GUCY2C: variants seen among roughly 807,000 people sequenced by gnomAD.
GUCY2C encodes guanylate cyclase 2C.
Under a neutral mutation model 131.1 loss-of-function variants are expected in GUCY2C, and 118 were observed. That is an observed-to-expected ratio of 0.90 (90% confidence interval 0.78 to 1.05). The LOEUF is 1.05. Among genes scored for constraint, GUCY2C ranks in the 50% least tolerant of loss-of-function variants. The pLI, the probability that GUCY2C is intolerant of heterozygous loss-of-function variation, is 0.00. For missense variants in GUCY2C, 1,161 were observed against 1,304.4 expected (o/e 0.89, Z 1.69); for synonymous variants, 452 against 457.8 (o/e 0.99, Z 0.16).
intron 8 of GUCY2C, 54 bp from the exon 9 acceptor site, chr12:14,673,012 T>G: frequency 1.0e-6 from 1 of 995,138 alleles, no homozygotes; most frequent in Admixed American, 1.7e-5. Flanking sequence ...GCCTGACAGA[T>G]AAGTTGGATC....
chr12:14,639,943 A>G lies in GUCY2C; in HGVS notation c.2076T>C (p.Ile692=). The part of the protein sequence containing the change: ...TLSCRDRNEK[I]FRVENSNGMK... Reference sequence around the variant, plus strand: ...TTCCATTGGAATTTTCCACTCTGAAAATCTTCTCTGGTTGGGTGAGAAAAA... The same window carrying G: ...TTCCATTGGAATTTTCCACTCTGAAGATCTTCTCTGGTTGGGTGAGAAAAA... The change falls in exon 19 of 27, where the codon ATT becomes ATC. Residue 692 remains isoleucine (I), a synonymous_variant. Transcript: ENST00000261170. The G allele has an allele frequency of 6.3e-7, 1 of 1,598,788 alleles. No homozygotes were observed. Among genetic ancestry groups the G allele is most frequent in the Non-Finnish European group, 8.6e-7 (1 of 1,166,060 alleles).
intron 19 of GUCY2C, among the ~76,000 whole-genome samples, chr12:14,635,669 G>T (rs990170085): frequency 3.9e-5 from 6 of 151,968 alleles, no homozygotes; most frequent in Non-Finnish European, 7.4e-5. Context: ...ATAAAAAGTT[G>T]TTTTTATGAA....
chr12:14,625,612 C>T (rs529687711), intron 21 of GUCY2C, 145 bp downstream of exon 21: 4 of 750,594 alleles, frequency 5.3e-6, no homozygotes, highest in South Asian at 2.0e-5. Context: ...GGATTACAGG[C>T]GTGAGCCTCC....
chr12:14,684,570 T>G (rs1396393455), intron 3 of GUCY2C, among the ~76,000 whole-genome samples: 1 of 8,488 alleles, frequency 1.2e-4, no homozygotes, highest in African/African-American at 2.1e-4. Context: ...TTTCCCTTCC[T>G]TCCTTCCTTC....
intron 9 of GUCY2C, among the ~76,000 whole-genome samples, chr12:14,671,716 C>T (rs1420900355): frequency 6.6e-6 from 1 of 152,192 alleles, no homozygotes; most frequent in Non-Finnish European, 1.5e-5. Context: ...GACATTAGAT[C>T]TCACACGTTT....
rs376877043 is a variant in GUCY2C at position 14,613,303 on chromosome 12, G to T, written c.3048-12C>A. 34 of 1,604,756 alleles carry T rather than the reference G, an allele frequency of 2.1e-5. No individual in the cohort carries two copies. The African/African-American group carries it at 4.6e-4, about 22-fold the overall frequency. On this transcript the variant is annotated splice_polypyrimidine_tract_variant and intron_variant, in intron 26 of 26. Transcript: ENST00000261170. This position sits in a 1 kb window ranked among gnomAD's most constrained non-coding sequence, Gnocchi z 4.9. ...GCTGTTGATTCTCCCTGGAAACAGA[G>T]TGGGAAGAGAAAATAGAACTTCTCA...
Position 14,651,513 on chromosome 12 carries a change from T to C in GUCY2C, c.1606-2A>G. ...GTTGTAATAGTCAATCTGAAGCAAC[T>C]AGAAGAACGTGTTTGTTTACAAAGC... On this transcript the variant is annotated splice_acceptor_variant, in intron 14 of 26. Transcript: ENST00000261170. LOFTEE classifies it high-confidence loss of function. The C allele has an allele frequency of 2.0e-6, 3 of 1,526,208 alleles. No homozygotes were observed. The highest frequency in any genetic ancestry group is 1.1e-5 in the South Asian group (1 of 87,852). The allele number at this position is 1,526,208 out of a possible 1,614,324, so 94.5% of individuals were successfully genotyped here.
chr12:14,690,110 T>C (rs77984843), intron 1 of GUCY2C, among the ~76,000 whole-genome samples: 2,533 of 152,320 alleles, frequency 0.017, 88 homozygotes, highest in African/African-American at 0.058. Flanking sequence ...AAAACAAAAA[T>C]GTGTTCATTA....
At chr12:14,643,986 ATT>A (rs953201305) in intron 16 of GUCY2C, among the ~76,000 whole-genome samples, 1 of 152,038 alleles carries the variant, frequency 6.6e-6, no homozygotes, top group Admixed American at 6.6e-5. Flanking sequence ...CAAAGGGTTG[ATT>A]TTTTTTAAGT....
At chr12:14,663,091 A>G (rs1279325201) in intron 10 of GUCY2C, among the ~76,000 whole-genome samples, 4 of 152,282 alleles carry the variant, frequency 2.6e-5, no homozygotes, top group Non-Finnish European at 5.9e-5. Context: ...ATCTTCATGT[A>G]TCAATACAAA....
At chr12:14,635,304 A>C (rs1036630550) in intron 19 of GUCY2C, among the ~76,000 whole-genome samples, 1 of 152,196 alleles carries the variant, frequency 6.6e-6, no homozygotes, top group Non-Finnish European at 1.5e-5. Context: ...ACTCAATACC[A>C]GGAGGAACTT....
chr12:14,669,104 C>T (rs777537205), intron 10 of GUCY2C, among the ~76,000 whole-genome samples: 2 of 151,998 alleles, frequency 1.3e-5, no homozygotes, highest in East Asian at 1.9e-4. Context: ...TTGTCAAACC[C>T]GGTTTTCTGT....
intron 6 of GUCY2C, among the ~76,000 whole-genome samples, chr12:14,679,226 T>G (rs1948298154): frequency 6.6e-6 from 1 of 152,184 alleles, no homozygotes; most frequent in Non-Finnish European, 1.5e-5. Context: ...ATGTTTTTCC[T>G]TTCTTTCTTT....
chr12:14,673,241 G>A (rs779017178), intron 8 of GUCY2C, among the ~76,000 whole-genome samples: 3 of 152,042 alleles, frequency 2.0e-5, no homozygotes, highest in Admixed American at 6.6e-5. Context: ...TAAGTCCCTC[G>A]ATTATTAGTG....
intron 19 of GUCY2C, among the ~76,000 whole-genome samples, chr12:14,629,195 A>C (rs188520120): frequency 1.3e-5 from 2 of 152,280 alleles, no homozygotes; most frequent in Admixed American, 1.3e-4. Flanking sequence ...CCTGGGCCTT[A>C]AAACATGACA....
At chr12:14,690,285 C>T (rs1244313870) in intron 1 of GUCY2C, among the ~76,000 whole-genome samples, 1 of 152,200 alleles carries the variant, frequency 6.6e-6, no homozygotes, top group Non-Finnish European at 1.5e-5. Flanking sequence ...TGGTGTTAGG[C>T]ATTTCCTCTA....
At chr12:14,642,027 A>G (rs1947415792) in intron 17 of GUCY2C, among the ~76,000 whole-genome samples, 1 of 152,202 alleles carries the variant, frequency 6.6e-6, no homozygotes, top group South Asian at 2.1e-4. Context: ...ATATTTAAAT[A>G]TAAATTTACC....
At chr12:14,645,159 G>T (rs754657183) in intron 16 of GUCY2C, 70 bp downstream of exon 16, 6 of 832,462 alleles carry the variant, frequency 7.2e-6, no homozygotes, top group East Asian at 2.5e-5. Context: ...TGCACAGAAG[G>T]TTGAATAACT....
At chr12:14,673,533 T>C (rs1948158868) in intron 8 of GUCY2C, among the ~76,000 whole-genome samples, 1 of 152,222 alleles carries the variant, frequency 6.6e-6, no homozygotes, top group South Asian at 2.1e-4. Context: ...TATACCAGGC[T>C]CTGTGCTAAG....
Sources: allele counts gnomAD v4.1 joint callset (sites outside exome capture counted in the v4.1 genomes callset), GRCh38; gene constraint gnomAD v4.1.1; non-coding constraint Gnocchi (gnomAD v3.1); transcripts MANE v1.5; gene names NCBI Gene and HGNC (gene_info 2026-07-23, HGNC 2026-07-21).